The following FRMPD4 variants were observed in gnomAD, a reference collection of about 807,000 sequenced individuals.
FRMPD4 encodes FERM and PDZ domain-containing protein 4.
In FRMPD4, 22 loss-of-function variants were observed where a neutral mutation model predicts 94.1. The ratio of observed to expected loss-of-function variants is 0.23; its 90% CI spans 0.17 to 0.33. The LOEUF is 0.33. Ranked by LOEUF, FRMPD4 falls within the 10% of genes least tolerant of loss-of-function variation. The pLI, the probability that FRMPD4 is intolerant of heterozygous loss-of-function variation, is 1.00. For synonymous variants in FRMPD4, 631 were observed against 548.6 expected (o/e 1.15, Z -2.10); for missense variants, 1,111 against 1,339.9 (o/e 0.83, Z 2.67).
intron 1 of FRMPD4, among the ~76,000 whole-genome samples, chrX:12,287,497 G>T (rs977274637): frequency 2.7e-5 from 3 of 111,823 alleles, no homozygotes; most frequent in African/African-American, 9.8e-5. Flanking sequence ...GCGTATAAAG[G>T]AGTTTGGCTA....
At chrX:12,442,353 G>A (rs2057147650) in intron 1 of FRMPD4, among the ~76,000 whole-genome samples, 1 of 110,596 alleles carries the variant, frequency 9.0e-6, no homozygotes, top group East Asian at 2.8e-4. Context: ...ATGGAGACAA[G>A]GTGGTCTTAG....
intron 2 of FRMPD4, among the ~76,000 whole-genome samples, chrX:12,587,645 AGTGTGT>A (rs56902110): frequency 0.43 from 44,983 of 103,495 alleles, 8,318 homozygotes; most frequent in Middle Eastern, 0.59. Context: ...TTCCATTATG[AGTGTGT>A]GTGTGTGTGT....
intron 3 of FRMPD4, among the ~76,000 whole-genome samples, chrX:12,121,087 ATAAT>A (rs2055450022): frequency 9.2e-6 from 1 of 108,984 alleles, no homozygotes; most frequent in Middle Eastern, 4.8e-3. Flanking sequence ...AATAATACTA[ATAAT>A]TTATTTTATA....
intron 3 of FRMPD4, among the ~76,000 whole-genome samples, chrX:12,098,273 A>G (rs1319334670): frequency 3.1e-4 from 3 of 9,645 alleles, no homozygotes; most frequent in African/African-American, 1.1e-3. Flanking sequence ...AAAGAAAAAG[A>G]AAAAAAAAAA....
chrX:12,674,770 C>T (rs979230041), intron 4 of FRMPD4, 93 bp from the exon 5 acceptor site: 21 of 614,745 alleles, frequency 3.4e-5, no homozygotes, highest in South Asian at 2.5e-4. Context: ...CATTCACTAA[C>T]GCATCACACA....
intron 3 of FRMPD4, among the ~76,000 whole-genome samples, chrX:11,922,325 C>T: frequency 9.0e-6 from 1 of 110,780 alleles, no homozygotes; most frequent in Middle Eastern, 4.7e-3. Context: ...GTGTGGGGTG[C>T]CACATATCTT....
chrX:12,100,644 T>A (rs1475501969), intron 3 of FRMPD4, among the ~76,000 whole-genome samples: 1 of 112,428 alleles, frequency 8.9e-6, no homozygotes, highest in African/African-American at 3.2e-5. Flanking sequence ...CTTTTATGTT[T>A]ATATTAATTT....
At chrX:12,683,362 G>C in intron 5 of FRMPD4, 121 bp from the exon 6 acceptor site, 2 of 410,691 alleles carry the variant, frequency 4.9e-6, no homozygotes, top group South Asian at 8.9e-5. Flanking sequence ...TCCTTGAATC[G>C]GACATGCACC....
intron 1 of FRMPD4, among the ~76,000 whole-genome samples, chrX:12,350,975 A>AC (rs2055797548): frequency 8.9e-6 from 1 of 111,765 alleles, no homozygotes; most frequent in South Asian, 3.8e-4. Flanking sequence ...GGAAATCGAG[A>AC]CCATCCTGGC....
At chrX:11,975,558 C>T (rs1229707861) in intron 3 of FRMPD4, among the ~76,000 whole-genome samples, 2 of 112,302 alleles carry the variant, frequency 1.8e-5, no homozygotes, top group African/African-American at 6.5e-5. Context: ...ACTATTGCCT[C>T]ATTGTGAAAA....
Position 12,150,899 on chromosome X carries a change from A to G in FRMPD4, c.41+11887A>G, listed in dbSNP as rs1269334490. Among the ~76,000 whole-genome samples, 3 of 111,616 alleles carry G rather than the reference A, an allele frequency of 2.7e-5. No homozygotes were observed. The East Asian group carries it at 8.4e-4, about 31-fold the overall frequency. ...TACTTAATGTGATATTAAAGAACCTATGATCAGGTATTTTGCATACAGTAT... is the reference window on the plus strand; with the variant it reads ...TACTTAATGTGATATTAAAGAACCTGTGATCAGGTATTTTGCATACAGTAT... On this transcript the variant is annotated intron_variant, in intron 1 of 16. Coordinates refer to ENST00000675598, the MANE Select transcript of FRMPD4 (RefSeq NM_001368397.1).
chrX:12,433,764 A>G (rs894149530), intron 1 of FRMPD4, among the ~76,000 whole-genome samples: 4 of 111,974 alleles, frequency 3.6e-5, no homozygotes. Context: ...CTGACAATAC[A>G]TTTTCAGTTG....
intron 1 of FRMPD4, among the ~76,000 whole-genome samples, chrX:12,283,223 G>A (rs780415683): frequency 1.3e-4 from 15 of 113,161 alleles, no homozygotes; most frequent in Non-Finnish European, 1.9e-4. Context: ...TGTGAGGACC[G>A]AATGTTTAGG....
chrX:12,470,862 C>G (rs73436801), intron 1 of FRMPD4, among the ~76,000 whole-genome samples: 1,933 of 111,741 alleles, frequency 0.017, 41 homozygotes, highest in African/African-American at 0.059. Flanking sequence ...ATACTGAAAA[C>G]AAATTCAGAA....
At chrX:12,674,594 G>C (rs1025730554) in intron 4 of FRMPD4, among the ~76,000 whole-genome samples, 1 of 112,073 alleles carries the variant, frequency 8.9e-6, no homozygotes, top group Non-Finnish European at 1.9e-5. Context: ...TTATTTTAAG[G>C]TCCTGCTGTT....
intron 1 of FRMPD4, among the ~76,000 whole-genome samples, chrX:12,353,308 G>A (rs1430386733): frequency 8.9e-6 from 1 of 112,252 alleles, no homozygotes; most frequent in Non-Finnish European, 1.9e-5. Context: ...TCTAGAGGCT[G>A]TGCTATATCA....
chrX:12,021,555 T>C (rs894933001), intron 3 of FRMPD4, among the ~76,000 whole-genome samples: 55 of 111,958 alleles, frequency 4.9e-4, no homozygotes, highest in African/African-American at 1.8e-3. Context: ...CAGTTCTTCA[T>C]AACCTATGCA....
chrX:12,002,077 C>G (rs2054527635), intron 3 of FRMPD4, among the ~76,000 whole-genome samples: 1 of 111,860 alleles, frequency 8.9e-6, no homozygotes, highest in African/African-American at 3.3e-5. Context: ...CCTTGGAGGC[C>G]AGTTCTCATA....
chrX:12,721,028 C>T lies in FRMPD4; in HGVS notation c.4459C>T (p.Pro1487Ser), dbSNP rs1425446000. ...HKDSKLYRTL[P>S]LRKLEGSNWR... ...AGACTCAAAGCTGTATAGGACATTACCCTTGCGGAAGCTGGAGGGCAGCAA... is the reference window on the plus strand; with the variant it reads ...AGACTCAAAGCTGTATAGGACATTATCCTTGCGGAAGCTGGAGGGCAGCAA... Residue 1487 changes from proline (P) to serine (S), a missense_variant, in exon 17 of 17, where the codon CCC (proline) becomes TCC (serine). By Grantham distance (74) the Pro-to-Ser change is moderately conservative. Coordinates refer to ENST00000675598, the MANE Select transcript of FRMPD4 (RefSeq NM_001368397.1). 11 of 756,472 alleles carry T rather than the reference C, an allele frequency of 1.5e-5. No homozygotes were observed. The highest frequency in any genetic ancestry group is 2.3e-5 in the African/African-American group (1 of 43,280). The allele number at this position is 756,472 out of a possible 1,213,427, so 62.3% of individuals were successfully genotyped here.
Sources: allele counts gnomAD v4.1 joint callset (sites outside exome capture counted in the v4.1 genomes callset), GRCh38; gene constraint gnomAD v4.1.1; transcripts MANE v1.5; gene names NCBI Gene and HGNC (gene_info 2026-07-23, HGNC 2026-07-21).